CCDC91: variants seen among roughly 807,000 people sequenced by gnomAD.
CCDC91 encodes coiled-coil domain-containing protein 91.
A neutral mutation model predicts 63.2 loss-of-function variants in CCDC91; 48 were observed. The observed-to-expected ratio is 0.76, with a 90% CI of 0.60 to 0.97. The LOEUF (loss-of-function observed/expected upper bound fraction) is 0.97, where lower values mean the gene tolerates loss of function less well. Among genes scored for constraint, CCDC91 ranks in the 50% least tolerant of loss-of-function variants. The pLI is 0.00. For missense variants in CCDC91, 500 were observed against 494.6 expected (o/e 1.01, Z -0.10); for synonymous variants, 167 against 165.8 (o/e 1.01, Z -0.06).
Position 28,267,879 on chromosome 12 carries a change from ATAATTAT to A in CCDC91, c.109+8440_109+8446del, listed in dbSNP as rs1565700814. Among the ~76,000 whole-genome samples the A allele has an allele frequency of 3.5e-4, 26 of 74,250 alleles. 2 individuals are homozygous for A. Among genetic ancestry groups the A allele is most frequent in the East Asian group, 1.9e-3 (5 of 2,648 alleles). 48.7% of individuals were successfully genotyped at this position (74,250 alleles called of 152,430 possible). A position where few individuals can be genotyped will look rare whatever the true frequency, so the allele number is the denominator to read the frequency against. ...AATATATAATTATATATAATTATAT[ATAATTAT>A]TATAATTATATATAATTATATTATA... is the stretch of plus-strand genomic sequence containing the variant. On this transcript the variant is annotated intron_variant, in intron 3 of 12. Coordinates refer to ENST00000536442, the MANE Select transcript of CCDC91 (RefSeq NM_018318.5).
chr12:28,210,630 C>A (rs1446056291), intron 1 of CCDC91, among the ~76,000 whole-genome samples: 1 of 152,098 alleles, frequency 6.6e-6, no homozygotes, highest in Non-Finnish European at 1.5e-5. Context: ...ATTAAGCTGA[C>A]TTTTAAGCAT....
intron 3 of CCDC91, among the ~76,000 whole-genome samples, chr12:28,285,207 C>A (rs1295491118): frequency 2.0e-5 from 3 of 152,038 alleles, no homozygotes; most frequent in Non-Finnish European, 4.4e-5. Context: ...GATGTCATAA[C>A]CAAGTGAGAA....
chr12:28,289,903 A>G (rs1272736228), intron 3 of CCDC91, among the ~76,000 whole-genome samples: 1 of 151,846 alleles, frequency 6.6e-6, no homozygotes, highest in African/African-American at 2.4e-5. Flanking sequence ...CGTGTTAGCC[A>G]GGATGGTCTC....
At chr12:28,201,517 G>A (rs879049293) in intron 1 of CCDC91, among the ~76,000 whole-genome samples, 1 of 137,288 alleles carries the variant, frequency 7.3e-6, no homozygotes, top group Non-Finnish European at 1.6e-5. Context: ...GATGGCGGCC[G>A]GGCAGAGACG....
chr12:28,388,318 C>T (rs560777730), intron 7 of CCDC91, among the ~76,000 whole-genome samples: 1 of 152,238 alleles, frequency 6.6e-6, no homozygotes, highest in South Asian at 2.1e-4. Flanking sequence ...GAAAGTCAAA[C>T]TGTTGCTGTT....
At chr12:28,523,630 G>A (rs996816690) in intron 12 of CCDC91, among the ~76,000 whole-genome samples, 4 of 152,124 alleles carry the variant, frequency 2.6e-5, no homozygotes, top group African/African-American at 9.7e-5. Flanking sequence ...ATATTAACTG[G>A]TTATTTTGCT....
At chr12:28,487,995 T>TA (rs1951812913) in intron 12 of CCDC91, among the ~76,000 whole-genome samples, 1 of 151,776 alleles carries the variant, frequency 6.6e-6, no homozygotes, top group South Asian at 2.1e-4. Context: ...TGAAATACCT[T>TA]ATGGATTATC....
chr12:28,512,690 A>G lies in CCDC91; in HGVS notation c.1215+28525A>G, dbSNP rs1302363106. The stretch of plus-strand genomic sequence containing the variant: ...TGAAATATGTTCTCTCTCTTCCTCT[A>G]CAAAAGTTTGCCAGCCCCTGGTGTA... On this transcript the variant is annotated intron_variant, in intron 12 of 12. Coordinates refer to ENST00000536442, the MANE Select transcript of CCDC91 (RefSeq NM_018318.5). 2.0e-5 allele frequency among the ~76,000 whole-genome samples: 3 copies of G among 151,960 alleles called. No individual in the cohort carries two copies. The East Asian group carries it at 5.8e-4, about 30-fold the overall frequency.
At chr12:28,300,320 T>C (rs1937922746) in intron 3 of CCDC91, among the ~76,000 whole-genome samples, 1 of 151,558 alleles carries the variant, frequency 6.6e-6, no homozygotes, top group Non-Finnish European at 1.5e-5. Context: ...CACTATTTAT[T>C]AACAAGCCCA....
Position 28,548,942 on chromosome 12 carries a change from A to G in CCDC91, c.1216-121A>G, listed in dbSNP as rs189213054. The G allele has an allele frequency of 3.2e-5, 20 of 627,326 alleles. No individual in the cohort carries two copies. In the African/African-American group the frequency reaches 3.5e-4, roughly 11 times the overall value. 38.9% of individuals were successfully genotyped at this position (627,326 alleles called of 1,614,324 possible). On this transcript the variant is annotated intron_variant, in intron 12 of 12. Coordinates refer to ENST00000536442, the MANE Select transcript of CCDC91 (RefSeq NM_018318.5). ...GTCATTCAGTTGAAAGTACTATTTG[A>G]TTTCCTAAATTGTCTCATCTGGAAA...
At chr12:28,313,228 A>T (rs1020080867) in intron 6 of CCDC91, among the ~76,000 whole-genome samples, 4 of 152,044 alleles carry the variant, frequency 2.6e-5, no homozygotes, top group African/African-American at 9.7e-5. Flanking sequence ...TATCCTAAAT[A>T]AAGCAAAACA....
Position 28,332,994 on chromosome 12 carries a change from C to G in CCDC91, c.576+25245C>G, listed in dbSNP as rs561889657. 7.9e-5 allele frequency among the ~76,000 whole-genome samples: 12 copies of G among 151,994 alleles called. No homozygotes were observed. In the South Asian group the frequency reaches 2.5e-3, roughly 32 times the overall value. ...GTGAAAAACATGGTGTTAAAAAGACCAAGAAAATGATACTTGTTTATAGTA... is the reference window on the plus strand; with the variant it reads ...GTGAAAAACATGGTGTTAAAAAGACGAAGAAAATGATACTTGTTTATAGTA... On this transcript the variant is annotated intron_variant, in intron 6 of 12. Coordinates refer to ENST00000536442, the MANE Select transcript of CCDC91 (RefSeq NM_018318.5).
intron 6 of CCDC91, among the ~76,000 whole-genome samples, chr12:28,316,181 C>T (rs779049729): frequency 1.7e-4 from 26 of 151,814 alleles, no homozygotes; most frequent in South Asian, 1.5e-3. Context: ...GAAGTTATTA[C>T]ATTATAAATT....
At chr12:28,226,361 A>ATTTTTTCC (rs1429175479) in intron 1 of CCDC91, among the ~76,000 whole-genome samples, 1 of 152,124 alleles carries the variant, frequency 6.6e-6, no homozygotes, top group Non-Finnish European at 1.5e-5. Context: ...TGACGTCTTA[A>ATTTTTTCC]ATTCTGTGGA....
chr12:28,202,232 G>A (rs1324511236), intron 1 of CCDC91, among the ~76,000 whole-genome samples: 2 of 152,104 alleles, frequency 1.3e-5, no homozygotes, highest in Non-Finnish European at 2.9e-5. Flanking sequence ...AAACGTTTTA[G>A]TGTCTTTGTC....
At chr12:28,291,840 A>T (rs530053567) in intron 3 of CCDC91, among the ~76,000 whole-genome samples, 2 of 152,206 alleles carry the variant, frequency 1.3e-5, no homozygotes, top group South Asian at 2.1e-4. Context: ...GTCAACGTTG[A>T]GTTCTTTGGC....
chr12:28,539,760 C>T (rs1191968831), intron 12 of CCDC91, among the ~76,000 whole-genome samples: 5 of 152,042 alleles, frequency 3.3e-5, no homozygotes, highest in Admixed American at 3.3e-4. Flanking sequence ...TTTAAGAGTA[C>T]CGACAAGGAG....
rs1450784152 is a variant in CCDC91, at chr12:28,306,733, G to A, written c.268-9G>A. The A allele has an allele frequency of 1.9e-6, 3 of 1,542,024 alleles. No homozygotes were observed. The highest frequency in any genetic ancestry group is 1.2e-5 in the South Asian group (1 of 82,988). ...CTCTCTTGTGTATTTTTTTTTTTAT[G>A]TGGTTTAGATTCAGCAATCAACACA... On this transcript the variant is annotated splice_polypyrimidine_tract_variant and intron_variant, in intron 4 of 12. Transcript: ENST00000536442.
intron 12 of CCDC91, among the ~76,000 whole-genome samples, chr12:28,530,578 G>C (rs1263654209): frequency 6.6e-6 from 1 of 152,040 alleles, no homozygotes; most frequent in African/African-American, 2.4e-5. Flanking sequence ...ACTGGTACAG[G>C]GCCATTTCTC....
Sources: allele counts gnomAD v4.1 joint callset (sites outside exome capture counted in the v4.1 genomes callset), GRCh38; gene constraint gnomAD v4.1.1; transcripts MANE v1.5; gene names NCBI Gene and HGNC (gene_info 2026-07-23, HGNC 2026-07-21).